The following DTX1 variants were observed in gnomAD, a reference collection of about 807,000 sequenced individuals.
DTX1 encodes E3 ubiquitin-protein ligase DTX1.
In DTX1, 26 loss-of-function variants were observed where a neutral mutation model predicts 57.8. That is an observed-to-expected ratio of 0.45 (90% CI 0.33 to 0.62). The LOEUF is 0.62. Ranked by LOEUF, DTX1 falls within the 20% of genes least tolerant of loss-of-function variation. The pLI, the probability that DTX1 is intolerant of heterozygous loss-of-function variation, is 0.02. For synonymous variants in DTX1, 398 were observed against 394.1 expected (o/e 1.01, Z -0.12); for missense variants, 704 against 895.3 (o/e 0.79, Z 2.73).
chr12:113,096,766 G>T lies in DTX1; in HGVS notation c.1690G>T (p.Gly564Cys), dbSNP rs780785694. The T allele has an allele frequency of 3.7e-6, 6 of 1,613,692 alleles. No homozygotes were observed. The highest frequency in any genetic ancestry group is 4.2e-6 in the Non-Finnish European group (5 of 1,179,996). ...GGAGAGAAGACTCATCTTCACTATCGGCACGTCCAACACCACGGGCGAGTC... is the reference window on the plus strand; with the variant it reads ...GGAGAGAAGACTCATCTTCACTATCTGCACGTCCAACACCACGGGCGAGTC... ...AWERRLIFTI[G>C]TSNTTGESDT... Residue 564 changes from glycine to cysteine, a missense_variant, in exon 10 of 10, where the codon GGC becomes TGC. Around this residue, in one of 3 missense-constraint regions of DTX1, gnomAD observed 168 missense variants for 255.6 expected, o/e 0.66. Transcript: ENST00000548759.
intron 9 of DTX1, among the ~76,000 whole-genome samples, chr12:113,096,364 C>G (rs1950291840): frequency 7.2e-6 from 1 of 139,206 alleles, no homozygotes. Context: ...TGTTGGAGCC[C>G]AGGAGTTCGA....
rs1950300737 is a variant in DTX1, at chr12:113,096,715, G to C, written c.1639G>C (p.Val547Leu). ...YLPNNEKGRKVLRLLITAWER... is the reference protein window; with the variant it reads ...YLPNNEKGRKLLRLLITAWER... Reference sequence around the variant, plus strand: ...CCCCACTGTGTCCCTGTCCCCCCAGGTGCTGCGGCTGCTCATCACGGCCTG... The same window carrying C: ...CCCCACTGTGTCCCTGTCCCCCCAGCTGCTGCGGCTGCTCATCACGGCCTG... Residue 547 changes from valine to leucine, a missense_variant and splice_region_variant, in exon 10 of 10, where the codon GTG becomes CTG. Transcript: ENST00000548759. 1 of 1,610,800 alleles carries C rather than the reference G, an allele frequency of 6.2e-7. No homozygotes were observed. The highest frequency in any genetic ancestry group is 1.7e-5 in the Admixed American group (1 of 59,820).
chr12:113,082,977 C>T (rs925187004), intron 3 of DTX1, among the ~76,000 whole-genome samples: 11 of 152,224 alleles, frequency 7.2e-5, no homozygotes, highest in African/African-American at 2.7e-4. Flanking sequence ...GAAATGTATT[C>T]TCTCTTTCAC....
intron 2 of DTX1, among the ~76,000 whole-genome samples, chr12:113,063,240 T>C (rs1181191875): frequency 6.6e-6 from 1 of 152,048 alleles, no homozygotes; most frequent in Non-Finnish European, 1.5e-5. Context: ...GGTCTTGGGG[T>C]GAGGGGGTTG....
At chr12:113,085,576 T>C (rs2044851059) in intron 3 of DTX1, among the ~76,000 whole-genome samples, 1 of 152,260 alleles carries the variant, frequency 6.6e-6, no homozygotes, top group Non-Finnish European at 1.5e-5. Flanking sequence ...TGTTTATTGC[T>C]TCCTTATTAA....
rs1435722051 is a variant in DTX1, at chr12:113,097,621, C to G, written c.*682C>G. The stretch of plus-strand genomic sequence containing the variant: ...TCTTCATCTCTCTGGACTCTGATCT[C>G]CTTCTCCCTTCCCATCTCCAGGCCT... On this transcript the variant is annotated 3_prime_UTR_variant, in exon 10 of 10. Transcript: ENST00000548759. 2 of 152,376 alleles carry G rather than the reference C, an allele frequency of 1.3e-5. No individual in the cohort carries two copies. Among genetic ancestry groups the G allele is most frequent in the African/African-American group, 4.8e-5 (2 of 41,450 alleles). 9.4% of individuals were successfully genotyped at this position (152,376 alleles called of 1,614,324 possible). A position where few individuals can be genotyped will look rare whatever the true frequency, so the allele number is the denominator to read the frequency against.
chr12:113,078,124 GGA>G lies in DTX1; in HGVS notation c.941+21_941+22del. The G allele has an allele frequency of 7.4e-7, 1 of 1,345,878 alleles. No homozygotes were observed. The highest frequency in any genetic ancestry group is 9.5e-7 in the Non-Finnish European group (1 of 1,051,100). 83.4% of individuals were successfully genotyped at this position (1,345,878 alleles called of 1,614,324 possible). A position where few individuals can be genotyped will look rare whatever the true frequency, so the allele number is the denominator to read the frequency against. On this transcript the variant is annotated intron_variant, in intron 3 of 9. Transcript: ENST00000548759. ...CGCCGGGGTAAGACGGGGCCCAGGG[GGA>G]GGGGGCCTCTGCGTCGTCCGCAGGC... is the stretch of plus-strand genomic sequence containing the variant.
At chr12:113,080,293 A>G (rs1465330762) in intron 3 of DTX1, among the ~76,000 whole-genome samples, 1 of 152,146 alleles carries the variant, frequency 6.6e-6, no homozygotes, top group Non-Finnish European at 1.5e-5. Context: ...TCTCAGGGAG[A>G]TCTCAGGGGG....
intron 2 of DTX1, among the ~76,000 whole-genome samples, chr12:113,069,499 G>A (rs1163542567): frequency 6.6e-6 from 1 of 152,102 alleles, no homozygotes; most frequent in African/African-American, 2.4e-5. Context: ...GGAGAACCTG[G>A]GCCAGCTTCA....
intron 3 of DTX1, among the ~76,000 whole-genome samples, chr12:113,087,989 GC>G (rs2044875077): frequency 1.3e-5 from 2 of 152,188 alleles, no homozygotes; most frequent in South Asian, 4.1e-4. Flanking sequence ...CCCTGCCCAG[GC>G]CTGAGCCAGC....
At position 113,079,766 on chromosome 12, in the gene DTX1, C is replaced by A. The variant is rs7976615; in HGVS notation, c.941+1661C>A. On this transcript the variant is annotated intron_variant, in intron 3 of 9. Transcript: ENST00000548759. ...TGGAGATGGGATTTCACCATGTTTC[C>A]CAGGCTTGTCTTGAACTCCTGACCT... is the stretch of plus-strand genomic sequence containing the variant. Among the ~76,000 whole-genome samples the A allele has an allele frequency of 1.6e-3, 230 of 147,916 alleles. 2 individuals are homozygous for A. The highest frequency in any genetic ancestry group is 5.5e-3 in the African/African-American group (218 of 39,996).
In DTX1 at chr12:113,078,049, C is replaced by T. The variant is rs1411556984; in HGVS notation, c.885C>T (p.Asn295=). The change falls in exon 3 of 10, where the codon AAC becomes AAT. Residue 295 remains asparagine (N), a synonymous_variant. Coordinates refer to ENST00000548759, the MANE Select transcript of DTX1 (RefSeq NM_004416.3). ...GARTPGQNNL[N]RPGPQRTTSV... ...GCACCCCGGGGCAGAACAACCTCAA[C>T]CGGCCCGGGCCCCAGCGCACCACCA... The T allele has an allele frequency of 3.1e-5, 42 of 1,358,780 alleles. No individual in the cohort carries two copies. The highest frequency in any genetic ancestry group is 3.9e-5 in the Non-Finnish European group (41 of 1,053,570). 84.2% of individuals were successfully genotyped at this position (1,358,780 alleles called of 1,614,324 possible). A position where few individuals can be genotyped will look rare whatever the true frequency, so the allele number is the denominator to read the frequency against.
At chr12:113,085,154 A>T (rs1304276784) in intron 3 of DTX1, among the ~76,000 whole-genome samples, 1 of 152,004 alleles carries the variant, frequency 6.6e-6, no homozygotes, top group Admixed American at 6.6e-5. Flanking sequence ...GGCTCAAGCA[A>T]TACTTGTACC....
intron 2 of DTX1, among the ~76,000 whole-genome samples, chr12:113,071,694 C>A (rs140856956): frequency 7.2e-5 from 11 of 152,366 alleles, no homozygotes; most frequent in Non-Finnish European, 1.6e-4. Flanking sequence ...ATCTTGAGAT[C>A]GAAGTCCAGG....
In DTX1 at chr12:113,095,414, G is replaced by A. The variant is rs774338569; in HGVS notation, c.1638G>A (p.Lys546=). 1.2e-5 allele frequency: 20 copies of A among 1,614,102 alleles called. No homozygotes were observed. Among genetic ancestry groups the A allele is most frequent in the Admixed American group, 3.3e-5 (2 of 60,012 alleles). Residue 546 remains lysine, a splice_region_variant and synonymous_variant, in exon 9 of 10, where the codon AAG becomes AAA. Transcript: ENST00000548759. ...TACCCAACAACGAGAAAGGCCGGAA[G>A]GTGGGTGCCCAGCCGTGAGGGCATG... The part of the protein sequence containing the change: ...CYLPNNEKGR[K]VLRLLITAWE...
chr12:113,072,365 G>A (rs929290102), intron 2 of DTX1, among the ~76,000 whole-genome samples: 7 of 152,154 alleles, frequency 4.6e-5, no homozygotes, highest in South Asian at 2.1e-4. Flanking sequence ...AGACTGCTGC[G>A]TTTGCCAACT....
intron 3 of DTX1, among the ~76,000 whole-genome samples, chr12:113,089,672 T>TAG (rs1950232577): frequency 6.6e-6 from 1 of 152,168 alleles, no homozygotes; most frequent in African/African-American, 2.4e-5. Flanking sequence ...GGCCTGCAGT[T>TAG]AGAGAGAAGC....
chr12:113,095,439 G>A (rs1163880624), intron 9 of DTX1, 25 bp downstream of exon 9: 2 of 1,613,768 alleles, frequency 1.2e-6, no homozygotes, highest in Non-Finnish European at 1.7e-6. Context: ...GTGAGGGCAT[G>A]GGAGATAGGC....
Position 113,077,890 on chromosome 12 carries a change from A to G in DTX1, c.726A>G (p.Pro242=). ...LPPPPPPGGP[P]GALAVRPSAT... Reference sequence around the variant, plus strand: ...CGCCGCCGCCACCTGGAGGGCCTCCAGGCGCGCTTGCCGTGCGCCCCAGCG... The same window carrying G: ...CGCCGCCGCCACCTGGAGGGCCTCCGGGCGCGCTTGCCGTGCGCCCCAGCG... The change falls in exon 3 of 10, where the codon CCA becomes CCG. Residue 242 remains proline (P), a synonymous_variant. Transcript: ENST00000548759. This position sits in a 1 kb window ranked among gnomAD's most constrained non-coding sequence, Gnocchi z 7.8. The G allele has an allele frequency of 5.5e-6, 7 of 1,274,460 alleles. No homozygotes were observed. The highest frequency in any genetic ancestry group is 5.9e-6 in the Non-Finnish European group (6 of 1,018,502). The allele number at this position is 1,274,460 out of a possible 1,614,324, so 78.9% of individuals were successfully genotyped here. A position where few individuals can be genotyped will look rare whatever the true frequency, so the allele number is the denominator to read the frequency against.
Sources: gnomAD v4.1 joint callset for allele counts (sites outside exome capture counted in the v4.1 genomes callset) on GRCh38, gnomAD v4.1.1 for gene constraint, gnomAD v4.1.1 regional missense constraint, Gnocchi (gnomAD v3.1) non-coding constraint, MANE v1.5 for transcripts, NCBI Gene and HGNC (gene_info 2026-07-23, HGNC 2026-07-21) for gene names.